Variants in SPHKAP observed in about 807,000 individuals in gnomAD.
SPHKAP encodes the protein A-kinase anchor protein SPHKAP.
Under a neutral mutation model 137.5 loss-of-function variants are expected in SPHKAP, and 67 were observed. The ratio of observed to expected loss-of-function variants is 0.49; its 90% confidence interval spans 0.40 to 0.60. The LOEUF (loss-of-function observed/expected upper bound fraction) is 0.60. SPHKAP is among the 20% of genes least tolerant of loss of function. The pLI is 0.00. For missense variants in SPHKAP, 2,097 were observed against 2,069.3 expected (o/e 1.01, Z -0.26); for synonymous variants, 813 against 785.3 (o/e 1.04, Z -0.59).
intron 3 of SPHKAP, among the ~76,000 whole-genome samples, chr2:228,031,228 C>G (rs186386047): frequency 6.6e-6 from 1 of 152,192 alleles, no homozygotes; most frequent in Non-Finnish European, 1.5e-5. Context: ...TATCCCGCAC[C>G]TGGCTCAGAG....
intron 1 of SPHKAP, among the ~76,000 whole-genome samples, chr2:228,140,206 C>G (rs932978776): frequency 6.7e-6 from 1 of 150,266 alleles, no homozygotes; most frequent in African/African-American, 2.5e-5. Flanking sequence ...CTTGGCCTCT[C>G]GAAGTGTGGA....
At chr2:228,078,376 C>A (rs1461658719) in intron 3 of SPHKAP, among the ~76,000 whole-genome samples, 1 of 147,280 alleles carries the variant, frequency 6.8e-6, no homozygotes, top group Non-Finnish European at 1.5e-5. Context: ...CAGATGTTGG[C>A]AGACTTTTTT....
rs1559169200 is a variant in SPHKAP, at chr2:228,092,418, T to TATATGTATATATGTGCCATATATACAA, written c.246+16413_246+16414insTTGTATATATGGCACATATATACATAT. Among the ~76,000 whole-genome samples the TATATGTATATATGTGCCATATATACAA allele has an allele frequency of 6.2e-4, 78 of 126,082 alleles. 8 individuals are homozygous for TATATGTATATATGTGCCATATATACAA. The highest frequency in any genetic ancestry group is 2.2e-3 in the African/African-American group (73 of 33,224). The allele number at this position is 126,082 out of a possible 152,430, so 82.7% of individuals were successfully genotyped here. A position where few individuals can be genotyped will look rare whatever the true frequency, so the allele number is the denominator to read the frequency against. The stretch of plus-strand genomic sequence containing the variant: ...ATATACACATATACACATATATACA[T>TATATGTATATATGTGCCATATATACAA]ATATACATATATGTATATATGTGCC... On this transcript the variant is annotated intron_variant, in intron 3 of 11. Coordinates refer to ENST00000392056, the MANE Select transcript of SPHKAP (RefSeq NM_001142644.2).
intron 3 of SPHKAP, among the ~76,000 whole-genome samples, chr2:228,049,873 C>T (rs77995415): frequency 0.034 from 5,204 of 151,980 alleles, 283 homozygotes; most frequent in African/African-American, 0.12. Context: ...ATATATGTAC[C>T]ACATTTTCTT....
chr2:228,022,203 A>T (rs1238425846), intron 5 of SPHKAP: 22 of 985,318 alleles, frequency 2.2e-5, no homozygotes, highest in Non-Finnish European at 2.5e-5. Context: ...GCTGTATCAC[A>T]TATTTTAATT....
At chr2:228,022,101 AATTAT>A (rs1297571232) in intron 5 of SPHKAP, 135 bp from the exon 6 acceptor site, 1 of 1,333,094 alleles carries the variant, frequency 7.5e-7, no homozygotes, top group Non-Finnish European at 9.6e-7. Context: ...TGTCTTCTGG[AATTAT>A]ATTAATAAAC....
At chr2:228,161,251 G>A (rs933927409) in intron 1 of SPHKAP, among the ~76,000 whole-genome samples, 3 of 152,188 alleles carry the variant, frequency 2.0e-5, no homozygotes, top group East Asian at 1.9e-4. Flanking sequence ...TAGCTACTGC[G>A]TAGACAGTGA....
Position 228,019,159 on chromosome 2 carries a change from G to A in SPHKAP, c.1695C>T (p.Ala565=). ...PSALCGMTQV[A]SAVAVCGLGE... The stretch of plus-strand genomic sequence containing the variant: ...CCAGACCACAGACAGCCACGGCACT[G>A]GCCACCTGAGTCATGCCACACAAAG... Residue 565 remains alanine (A), a synonymous_variant, in exon 7 of 12, where the codon GCC becomes GCT. Coordinates refer to ENST00000392056, the MANE Select transcript of SPHKAP (RefSeq NM_001142644.2). 1 of 1,613,722 alleles carries A rather than the reference G, an allele frequency of 6.2e-7. No homozygotes were observed. Among genetic ancestry groups the A allele is most frequent in the Non-Finnish European group, 8.5e-7 (1 of 1,180,024 alleles).
chr2:228,159,586 T>G (rs759517920), intron 1 of SPHKAP, among the ~76,000 whole-genome samples: 7 of 152,102 alleles, frequency 4.6e-5, no homozygotes, highest in Non-Finnish European at 8.8e-5. Flanking sequence ...GAAAAGAGGC[T>G]TTTAAAAGGA....
At chr2:228,112,219 G>A (rs1331368773) in intron 2 of SPHKAP, among the ~76,000 whole-genome samples, 2 of 152,092 alleles carry the variant, frequency 1.3e-5, no homozygotes, top group Non-Finnish European at 2.9e-5. Flanking sequence ...GAACATTAAA[G>A]ATTTAAAATA....
intron 1 of SPHKAP, among the ~76,000 whole-genome samples, chr2:228,157,543 T>G (rs995409315): frequency 6.6e-6 from 1 of 152,338 alleles, no homozygotes; most frequent in Middle Eastern, 3.4e-3. Context: ...AGCAGCTGGA[T>G]AATTAGCAAT....
At chr2:228,115,716 C>T (rs1411842078) in intron 2 of SPHKAP, among the ~76,000 whole-genome samples, 3 of 152,120 alleles carry the variant, frequency 2.0e-5, no homozygotes, top group Non-Finnish European at 4.4e-5. Context: ...GAAGTACACA[C>T]TTAATTACAC....
chr2:227,988,066 G>A (rs1285729192), intron 11 of SPHKAP, among the ~76,000 whole-genome samples: 3 of 152,078 alleles, frequency 2.0e-5, no homozygotes, highest in Non-Finnish European at 4.4e-5. Flanking sequence ...GCTCTCTTTC[G>A]TACACCACTT....
At chr2:228,002,023 T>C (rs1693927425) in intron 7 of SPHKAP, among the ~76,000 whole-genome samples, 1 of 152,230 alleles carries the variant, frequency 6.6e-6, no homozygotes, top group Non-Finnish European at 1.5e-5. Context: ...AGTGCCACAA[T>C]AAACATACGT....
chr2:227,981,565 T>G lies in SPHKAP; in HGVS notation c.*152A>C, dbSNP rs1692994518. The G allele has an allele frequency of 1.0e-6, 1 of 990,894 alleles. No homozygotes were observed. Among genetic ancestry groups the G allele is most frequent in the East Asian group, 2.9e-5 (1 of 34,604 alleles). The allele number at this position is 990,894 out of a possible 1,614,324, so 61.4% of individuals were successfully genotyped here. On this transcript the variant is annotated 3_prime_UTR_variant, in exon 12 of 12. Coordinates refer to ENST00000392056, the MANE Select transcript of SPHKAP (RefSeq NM_001142644.2). ...TATATTTTGCTTTTCCTCTGACTTATTCTGTATGCAGTGGATCTGAGTAGC... is the reference window on the plus strand; with the variant it reads ...TATATTTTGCTTTTCCTCTGACTTAGTCTGTATGCAGTGGATCTGAGTAGC...
chr2:228,087,583 G>T (rs1202795050), intron 3 of SPHKAP, among the ~76,000 whole-genome samples: 1 of 151,894 alleles, frequency 6.6e-6, no homozygotes, highest in Admixed American at 6.6e-5. Flanking sequence ...ATCAGATAAA[G>T]AATATATAAA....
intron 3 of SPHKAP, among the ~76,000 whole-genome samples, chr2:228,071,988 A>G (rs73096675): frequency 6.6e-6 from 1 of 152,202 alleles, no homozygotes; most frequent in Non-Finnish European, 1.5e-5. Flanking sequence ...GAGACTAGCC[A>G]TTGAATCAGG....
At chr2:228,035,501 T>C (rs1695551598) in intron 3 of SPHKAP, among the ~76,000 whole-genome samples, 1 of 152,042 alleles carries the variant, frequency 6.6e-6, no homozygotes, top group Admixed American at 6.6e-5. Flanking sequence ...AAGCTACCAA[T>C]GACTTTCTTC....
At chr2:228,005,469 A>G (rs1191865605) in intron 7 of SPHKAP, among the ~76,000 whole-genome samples, 3 of 152,174 alleles carry the variant, frequency 2.0e-5, no homozygotes, top group African/African-American at 4.8e-5. Flanking sequence ...GGTTTCCTGA[A>G]TACAGCACAC....
Sources: gnomAD v4.1 joint callset for allele counts (sites outside exome capture counted in the v4.1 genomes callset) on GRCh38, gnomAD v4.1.1 for gene constraint, MANE v1.5 for transcripts, NCBI Gene and HGNC (gene_info 2026-07-23, HGNC 2026-07-21) for gene names.